ARHGEF4: variants seen among roughly 807,000 people sequenced by gnomAD.
ARHGEF4 encodes the protein Rho guanine nucleotide exchange factor 4.
In ARHGEF4, 119 loss-of-function variants were observed where a neutral mutation model predicts 162.0. That is an observed-to-expected ratio of 0.73 (90% CI 0.63 to 0.86). The LOEUF is 0.86. ARHGEF4 is among the 40% of genes least tolerant of loss of function. The probability of loss-of-function intolerance (pLI) is 0.00; values close to 1 mark genes in which losing one functional copy is unlikely to be tolerated. For synonymous variants in ARHGEF4, 1,014 were observed against 979.9 expected (o/e 1.03, Z -0.65); for missense variants, 2,488 against 2,456.0 (o/e 1.01, Z -0.28).
At chr2:130,950,242 G>C (rs1015638711) in intron 4 of ARHGEF4, among the ~76,000 whole-genome samples, 1 of 152,152 alleles carries the variant, frequency 6.6e-6, no homozygotes, top group Non-Finnish European at 1.5e-5. Flanking sequence ...CGTTTGGAAG[G>C]GTGGCCAAGA....
intron 4 of ARHGEF4, among the ~76,000 whole-genome samples, chr2:130,962,406 T>C (rs1239483731): frequency 2.0e-5 from 3 of 152,150 alleles, no homozygotes; most frequent in Non-Finnish European, 4.4e-5. Flanking sequence ...ACACCAGTTA[T>C]TACCTTAAGC....
chr2:131,042,103 G>C (rs1044139770), intron 10 of ARHGEF4, among the ~76,000 whole-genome samples, 159 bp downstream of exon 10: 11 of 152,346 alleles, frequency 7.2e-5, no homozygotes, highest in African/African-American at 2.2e-4. Context: ...CCCCAGCGTG[G>C]GCTCTGGACC....
At chr2:130,906,441 T>C (rs1307343910) in intron 1 of ARHGEF4, among the ~76,000 whole-genome samples, 1 of 152,256 alleles carries the variant, frequency 6.6e-6, no homozygotes, top group Non-Finnish European at 1.5e-5. Flanking sequence ...AATATAAAAA[T>C]GTACGTACTT....
chr2:130,928,867 C>T (rs1179957757), intron 2 of ARHGEF4, among the ~76,000 whole-genome samples: 1 of 152,188 alleles, frequency 6.6e-6, no homozygotes, highest in Non-Finnish European at 1.5e-5. Flanking sequence ...CCCCTGGACA[C>T]ATGAGGACCA....
intron 1 of ARHGEF4, among the ~76,000 whole-genome samples, chr2:130,864,653 G>A (rs187157012): frequency 1.5e-3 from 230 of 152,282 alleles, no homozygotes; most frequent in South Asian, 3.1e-3. Flanking sequence ...GAACCCAGGA[G>A]GCGGAAGTTG....
chr2:131,039,871 G>T (rs73960402), intron 6 of ARHGEF4, 145 bp from the exon 7 acceptor site: 10 of 1,427,310 alleles, frequency 7.0e-6, no homozygotes, highest in Non-Finnish European at 9.1e-6. Context: ...GTGGCGTGGT[G>T]GGGGGAGCTG....
intron 4 of ARHGEF4, among the ~76,000 whole-genome samples, chr2:131,002,921 G>A (rs1167184370): frequency 6.6e-6 from 1 of 152,094 alleles, no homozygotes; most frequent in East Asian, 1.9e-4. Context: ...TTTGTAAGTA[G>A]TCACCTAAAG....
At chr2:131,028,196 G>C in intron 5 of ARHGEF4, 112 bp downstream of exon 5, 2 of 1,433,962 alleles carry the variant, frequency 1.4e-6, no homozygotes, top group Non-Finnish European at 1.9e-6. Flanking sequence ...GTGGCTGCTG[G>C]TGGTGCTGGC....
At chr2:130,885,564 C>CTTTTTTTT (rs961513941) in intron 1 of ARHGEF4, among the ~76,000 whole-genome samples, 5 of 100,436 alleles carry the variant, frequency 5.0e-5, no homozygotes, top group Non-Finnish European at 7.7e-5. Context: ...TTTTCTTATT[C>CTTTTTTTT]TTTTTTTTTT....
intron 1 of ARHGEF4, among the ~76,000 whole-genome samples, chr2:130,845,650 G>T (rs761186076): frequency 2.0e-5 from 3 of 152,180 alleles, no homozygotes; most frequent in Non-Finnish European, 4.4e-5. Context: ...CCTCCTCAGA[G>T]CATAGTGGGT....
At chr2:130,918,458 C>G (rs1015228904) in intron 2 of ARHGEF4, among the ~76,000 whole-genome samples, 14 of 145,206 alleles carry the variant, frequency 9.6e-5, no homozygotes, top group African/African-American at 2.8e-4. Context: ...AAGTAAGGCT[C>G]CCTCAGCTTC....
Position 131,046,152 on chromosome 2 carries a change from G to T in ARHGEF4, c.5594G>T (p.Trp1865Leu). 1 of 1,613,002 alleles carries T rather than the reference G, an allele frequency of 6.2e-7. No homozygotes were observed. Among genetic ancestry groups the T allele is most frequent in the Non-Finnish European group, 8.5e-7 (1 of 1,179,862 alleles). ...CCCAGGCGCAAGCCATCTACCTTCTGGCACAGCATCAGCCGGCTGGCACCC... is the reference window on the plus strand; with the variant it reads ...CCCAGGCGCAAGCCATCTACCTTCTTGCACAGCATCAGCCGGCTGGCACCC... ...AEPRRKPSTF[W>L]HSISRLAPFR... is the part of the protein sequence containing the mutation. Residue 1865 changes from tryptophan to leucine, a missense_variant, in exon 14 of 14, where the codon TGG becomes TTG. By Grantham distance (61) the Trp-to-Leu change is moderately conservative. Transcript: ENST00000409359.
At chr2:131,027,885 T>C in intron 4 of ARHGEF4, 60 bp from the exon 5 acceptor site, 1 of 1,597,688 alleles carries the variant, frequency 6.3e-7, no homozygotes. Flanking sequence ...TCTCCACGTG[T>C]TCTCCCCTCA....
chr2:130,978,567 A>G (rs1482757169), intron 4 of ARHGEF4, among the ~76,000 whole-genome samples: 5 of 152,350 alleles, frequency 3.3e-5, no homozygotes, highest in African/African-American at 9.6e-5. Flanking sequence ...AGTCCCTTCA[A>G]TTGTGTCGCA....
At chr2:130,928,421 T>C (rs1373381526) in intron 2 of ARHGEF4, among the ~76,000 whole-genome samples, 1 of 152,234 alleles carries the variant, frequency 6.6e-6, no homozygotes. Context: ...TCCACTGCTT[T>C]CACCAGTTAA....
intron 1 of ARHGEF4, among the ~76,000 whole-genome samples, chr2:130,893,959 C>T (rs1170045479): frequency 1.3e-5 from 2 of 152,226 alleles, no homozygotes; most frequent in East Asian, 1.9e-4. Flanking sequence ...TCCTATTATG[C>T]GTCTAAGGAG....
chr2:131,009,618 A>G (rs1558845678), intron 4 of ARHGEF4, among the ~76,000 whole-genome samples: 1 of 152,084 alleles, frequency 6.6e-6, no homozygotes, highest in Non-Finnish European at 1.5e-5. Context: ...CAGTATTTCC[A>G]ATCTTCAGTT....
Position 130,843,794 on chromosome 2 carries a change from G to A in ARHGEF4, c.39+6802G>A, listed in dbSNP as rs920948721. On this transcript the variant is annotated intron_variant, in intron 1 of 13. Transcript: ENST00000409359. ...GCAGGGCCAGGGTTTGGAGCACAGC[G>A]TATCCTCGGGAAATGCGCTGAGTCT... Among the ~76,000 whole-genome samples the A allele has an allele frequency of 5.9e-5, 9 of 152,342 alleles. No homozygotes were observed. In the South Asian group the frequency reaches 6.2e-4, roughly 11 times the overall value.
intron 4 of ARHGEF4, among the ~76,000 whole-genome samples, chr2:130,979,501 C>T (rs1047275897): frequency 6.6e-6 from 1 of 152,080 alleles, no homozygotes; most frequent in African/African-American, 2.4e-5. Flanking sequence ...TTTGGGAGGC[C>T]GAGGTGGGCA....
Sources: gnomAD v4.1 joint callset for allele counts (sites outside exome capture counted in the v4.1 genomes callset) on GRCh38, gnomAD v4.1.1 for gene constraint, MANE v1.5 for transcripts, NCBI Gene and HGNC (gene_info 2026-07-23, HGNC 2026-07-21) for gene names.